COL23A1: variants seen among roughly 807,000 people sequenced by gnomAD.
The protein encoded by COL23A1 is collagen alpha-1(XXIII) chain.
Under a neutral mutation model 99.3 loss-of-function variants are expected in COL23A1, and 97 were observed. That is an observed-to-expected ratio of 0.98 (90% confidence interval 0.83 to 1.16). The LOEUF is 1.16. Ranked by LOEUF, COL23A1 falls within the 50% of genes most tolerant of loss-of-function variation. The pLI, the probability that COL23A1 is intolerant of heterozygous loss-of-function variation, is 0.00. For missense variants in COL23A1, 762 were observed against 757.4 expected (o/e 1.01, Z -0.07); for synonymous variants, 320 against 308.2 (o/e 1.04, Z -0.40).
intron 2 of COL23A1, among the ~76,000 whole-genome samples, chr5:178,527,181 C>G (rs612405): frequency 0.25 from 37,351 of 151,962 alleles, 5,393 homozygotes; most frequent in East Asian, 0.61. Flanking sequence ...AGGCGGGGGG[C>G]CCTCGGTGAG....
chr5:178,328,074 C>T (rs956109475), intron 2 of COL23A1, among the ~76,000 whole-genome samples: 3 of 152,022 alleles, frequency 2.0e-5, no homozygotes, highest in Non-Finnish European at 4.4e-5. Context: ...CGGCACGGTC[C>T]AACCAAGAAC....
In COL23A1 at chr5:178,387,412, T is replaced by G. The variant is rs1187763826; in HGVS notation, c.362-80493A>C. 6.6e-6 allele frequency among the ~76,000 whole-genome samples: 1 copy of G among 152,092 alleles called. No homozygotes were observed. The highest frequency in any genetic ancestry group is 2.4e-5 in the African/African-American group (1 of 41,418). On this transcript the variant is annotated intron_variant, in intron 2 of 28. Transcript: ENST00000390654. The surrounding 1 kb of genome is among the most constrained non-coding windows in gnomAD (Gnocchi z 4.7). ...CAGTGCGTTTGCCCAGGTGGGTCCC[T>G]CCACAGGAGCGCTCCTCCCGAAACC... is the stretch of plus-strand genomic sequence containing the variant.
At chr5:178,450,479 C>T (rs1767424970) in intron 2 of COL23A1, among the ~76,000 whole-genome samples, 1 of 152,162 alleles carries the variant, frequency 6.6e-6, no homozygotes, top group Non-Finnish European at 1.5e-5. Flanking sequence ...CAGGAGAGGA[C>T]ATCGCACGCT....
At chr5:178,448,180 T>C (rs113538687) in intron 2 of COL23A1, among the ~76,000 whole-genome samples, 21,658 of 123,980 alleles carry the variant, frequency 0.17, 2,075 homozygotes, top group African/African-American at 0.31. Flanking sequence ...GCAGTCCGTT[T>C]TGTTCTGTTA....
chr5:178,319,315 C>T (rs1253934019), intron 2 of COL23A1, among the ~76,000 whole-genome samples: 1 of 152,200 alleles, frequency 6.6e-6, no homozygotes, highest in Non-Finnish European at 1.5e-5. Context: ...CTCCATTCAC[C>T]CCGAGTCTTA....
intron 2 of COL23A1, among the ~76,000 whole-genome samples, chr5:178,537,223 G>A (rs1024228440): frequency 6.6e-6 from 1 of 152,176 alleles, no homozygotes; most frequent in Non-Finnish European, 1.5e-5. Flanking sequence ...CTCTTAGGGG[G>A]GTCTGGGGCT....
chr5:178,545,490 G>A (rs967790984), intron 2 of COL23A1, among the ~76,000 whole-genome samples: 4 of 152,192 alleles, frequency 2.6e-5, no homozygotes, highest in Admixed American at 1.3e-4. Flanking sequence ...TGCCAGGGGC[G>A]GGGAGGAACA....
chr5:178,466,025 C>T (rs977326505), intron 2 of COL23A1, among the ~76,000 whole-genome samples: 2 of 152,220 alleles, frequency 1.3e-5, no homozygotes, highest in African/African-American at 4.8e-5. Flanking sequence ...AGTCTCCCCT[C>T]TGCGCCACCT....
chr5:178,404,527 C>T (rs929315782), intron 2 of COL23A1, among the ~76,000 whole-genome samples: 26 of 152,228 alleles, frequency 1.7e-4, no homozygotes, highest in African/African-American at 6.0e-4. Flanking sequence ...ATTGAAATAA[C>T]ATGAAAATTT....
chr5:178,267,245 T>C, intron 8 of COL23A1, 62 bp downstream of exon 8: 1 of 1,569,624 alleles, frequency 6.4e-7, no homozygotes, highest in Admixed American at 1.7e-5. Flanking sequence ...GCGCCAGTTA[T>C]GCCTCATTAT....
Position 178,262,256 on chromosome 5 carries a change from C to CG in COL23A1, c.640-5dup. On this transcript the variant is annotated splice_polypyrimidine_tract_variant and splice_region_variant and intron_variant, in intron 9 of 28. Coordinates refer to ENST00000390654, the MANE Select transcript of COL23A1 (RefSeq NM_173465.4). ...GTCCGGGCTCTCCTTTGGGGCCCTG[C>CG]GGAAGTGTGAGGGGACAGCAGTGAA... 2.5e-6 allele frequency: 4 copies of CG among 1,580,150 alleles called. No individual in the cohort carries two copies. The highest frequency in any genetic ancestry group is 3.4e-6 in the Non-Finnish European group (4 of 1,162,430).
At chr5:178,388,864 G>A (rs1407296133) in intron 2 of COL23A1, among the ~76,000 whole-genome samples, 1 of 152,154 alleles carries the variant, frequency 6.6e-6, no homozygotes, top group Admixed American at 6.5e-5. Flanking sequence ...GACTTCTCAG[G>A]GCCTTTAGTA....
At chr5:178,256,459 A>C in intron 14 of COL23A1, 62 bp from the exon 15 acceptor site, 1 of 1,482,476 alleles carries the variant, frequency 6.7e-7, no homozygotes, top group East Asian at 2.3e-5. Flanking sequence ...ACCTCCCACG[A>C]CCCTGCCCCC....
At chr5:178,260,193 C>T (rs72819027) in intron 11 of COL23A1, among the ~76,000 whole-genome samples, 12 of 152,074 alleles carry the variant, frequency 7.9e-5, no homozygotes, top group Non-Finnish European at 1.3e-4. Flanking sequence ...ACCACATCCA[C>T]GTGAAAACCT....
intron 25 of COL23A1, among the ~76,000 whole-genome samples, chr5:178,245,246 T>C: frequency 7.7e-6 from 1 of 129,818 alleles, no homozygotes; most frequent in East Asian, 2.7e-4. Context: ...CACCCACCCA[T>C]CCACTCATCA....
intron 2 of COL23A1, among the ~76,000 whole-genome samples, chr5:178,343,812 G>A (rs1471248964): frequency 2.6e-5 from 4 of 151,878 alleles, no homozygotes; most frequent in African/African-American, 7.3e-5. Flanking sequence ...ACAGGTGCAC[G>A]CCACCACGGC....
intron 13 of COL23A1, among the ~76,000 whole-genome samples, 158 bp downstream of exon 13, chr5:178,257,365 T>C (rs1401476496): frequency 6.6e-6 from 1 of 152,050 alleles, no homozygotes; most frequent in Non-Finnish European, 1.5e-5. Context: ...GCCTGTTGTG[T>C]GGTGGGGCCG....
chr5:178,511,828 T>C (rs924106773), intron 2 of COL23A1, among the ~76,000 whole-genome samples: 2 of 152,116 alleles, frequency 1.3e-5, no homozygotes, highest in Admixed American at 6.5e-5. Context: ...ATTTTCAACA[T>C]CCGGGAACAC....
chr5:178,527,771 T>G (rs1270422001), intron 2 of COL23A1, among the ~76,000 whole-genome samples: 2 of 152,166 alleles, frequency 1.3e-5, no homozygotes, highest in Non-Finnish European at 2.9e-5. Context: ...CCTGCCAGGC[T>G]CCCTGCAGCC....
Sources: gnomAD v4.1 joint callset for allele counts (sites outside exome capture counted in the v4.1 genomes callset) on GRCh38, gnomAD v4.1.1 for gene constraint, Gnocchi (gnomAD v3.1) non-coding constraint, MANE v1.5 for transcripts, NCBI Gene and HGNC (gene_info 2026-07-23, HGNC 2026-07-21) for gene names.